Variants in GPAM observed in about 807,000 individuals in gnomAD.
The protein encoded by GPAM is glycerol-3-phosphate acyltransferase 1, mitochondrial.
GPAM carries 56 observed loss-of-function variants against 105.0 expected under a neutral mutation model. The observed-to-expected ratio is 0.53, with a 90% CI of 0.43 to 0.67. GPAM has a LOEUF of 0.67. Ranked by LOEUF, GPAM falls within the 30% of genes least tolerant of loss-of-function variation. GPAM has a pLI of 0.00. For synonymous variants in GPAM, 368 were observed against 354.4 expected, an observed-to-expected ratio of 1.04 and a Z score of -0.43; for missense variants, 855 against 989.8, an observed-to-expected ratio of 0.86 and a Z score of 1.83.
chr10:112,161,863 A>G (rs1847130681), intron 14 of GPAM, 126 bp from the exon 15 acceptor site: 1 of 747,546 alleles, frequency 1.3e-6, no homozygotes, highest in Non-Finnish European at 2.4e-6. Flanking sequence ...CATTTCCCAT[A>G]AGTGTGATTT....
chr10:112,157,193 C>A (rs1414817206), intron 19 of GPAM, 56 bp downstream of exon 19: 2 of 1,473,860 alleles, frequency 1.4e-6, no homozygotes, highest in African/African-American at 1.4e-5. Flanking sequence ...GATCTCACTG[C>A]AGCATAAACC....
upstream of GPAM, among the ~76,000 whole-genome samples, chr10:112,217,284 GTTT>G (rs780398788): frequency 6.6e-6 from 1 of 151,672 alleles, no homozygotes; most frequent in Non-Finnish European, 1.5e-5. Context: ...CTTTGCAGCT[GTTT>G]TTTTTCTCTT....
chr10:112,207,243 C>T (rs1847862601), intron 1 of GPAM, among the ~76,000 whole-genome samples: 1 of 152,222 alleles, frequency 6.6e-6, no homozygotes, highest in African/African-American at 2.4e-5. Flanking sequence ...ACAGTCCCCA[C>T]ACGAAAAGAC....
At chr10:112,198,847 A>G (rs1376144827) in intron 1 of GPAM, among the ~76,000 whole-genome samples, 1 of 152,186 alleles carries the variant, frequency 6.6e-6, no homozygotes, top group Non-Finnish European at 1.5e-5. Flanking sequence ...CAGCCTTGAA[A>G]AAAGAAGAAA....
chr10:112,157,164 C>CTTTAGATAAGAAGTCCTGGAT, intron 19 of GPAM, 85 bp downstream of exon 19: 2 of 1,159,056 alleles, frequency 1.7e-6, no homozygotes, highest in Non-Finnish European at 2.6e-6. Context: ...GATAAGAAGA[C>CTTTAGATAAGAAGTCCTGGAT]ATCACCAGGA....
In GPAM at chr10:112,152,692, G is replaced by A. The variant is rs1272239359; in HGVS notation, c.*858C>T. 1 of 984,862 alleles carries A rather than the reference G, an allele frequency of 1.0e-6. No homozygotes were observed. Among genetic ancestry groups the A allele is most frequent in the African/African-American group, 1.7e-5 (1 of 57,254 alleles). The allele number at this position is 984,862 out of a possible 1,614,324, so 61.0% of individuals were successfully genotyped here. On this transcript the variant is annotated 3_prime_UTR_variant, in exon 22 of 22. Transcript: ENST00000348367. ...TTCCAAGAAACAGCTGTACCTGTGA[G>A]AGGCAGGTATTACCTGAGGGGTGGA...
At chr10:112,195,729 T>C (rs536470468) in intron 1 of GPAM, among the ~76,000 whole-genome samples, 2 of 152,382 alleles carry the variant, frequency 1.3e-5, no homozygotes, top group South Asian at 2.1e-4. Context: ...CTAAAGCAGA[T>C]GCTCAATATC....
chr10:112,163,669 T>G (rs1847163480), intron 14 of GPAM, 32 bp downstream of exon 14: 6 of 992,328 alleles, frequency 6.0e-6, no homozygotes, highest in Non-Finnish European at 8.2e-6. Flanking sequence ...GAATCTAAAT[T>G]GTAGAATTAA....
chr10:112,170,247 T>G (rs114291840), intron 9 of GPAM, among the ~76,000 whole-genome samples: 2,666 of 152,230 alleles, frequency 0.018, 85 homozygotes, highest in African/African-American at 0.061. Context: ...AAGCTTAGTA[T>G]CACTCTTTGA....
At chr10:112,191,696 G>A (rs1018794585) in intron 1 of GPAM, among the ~76,000 whole-genome samples, 10 of 152,298 alleles carry the variant, frequency 6.6e-5, no homozygotes, top group African/African-American at 2.4e-4. Flanking sequence ...ACTGGGGCTG[G>A]TATCCAAGAA....
chr10:112,154,883 C>T, intron 20 of GPAM, 196 bp from the exon 21 acceptor site: 1 of 642,464 alleles, frequency 1.6e-6, no homozygotes, highest in Admixed American at 2.3e-5. Context: ...TTTGCTTACA[C>T]CTACTTTGTC....
intron 10 of GPAM, 97 bp from the exon 11 acceptor site, chr10:112,168,621 G>A (rs543752163): frequency 8.8e-5 from 75 of 853,334 alleles, no homozygotes; most frequent in Middle Eastern, 2.3e-4. Context: ...CAGAAAAAAC[G>A]ATAACTTCAC....
chr10:112,155,167 A>G (rs1029449988), intron 20 of GPAM: 1 of 186,806 alleles, frequency 5.4e-6, no homozygotes, highest in African/African-American at 2.4e-5. Flanking sequence ...GACCTGGGGT[A>G]TTTTCCTCAA....
At chr10:112,177,348 T>G (rs779580084) in intron 5 of GPAM, among the ~76,000 whole-genome samples, 10 of 152,206 alleles carry the variant, frequency 6.6e-5, no homozygotes, top group Non-Finnish European at 1.2e-4. Flanking sequence ...GTATCTATTT[T>G]TAGAATTACA....
chr10:112,227,030 C>A, the GPAM span, among the ~76,000 whole-genome samples: 1 of 152,176 alleles, frequency 6.6e-6, no homozygotes, highest in Non-Finnish European at 1.5e-5. Flanking sequence ...GCAAGCCCTG[C>A]CTCAGCTTCT....
intron 19 of GPAM, chr10:112,156,330 A>C: frequency 2.2e-6 from 1 of 462,894 alleles, no homozygotes; most frequent in Admixed American, 3.4e-5. Context: ...TCATAAATGA[A>C]TGCCCTACTT....
chr10:112,181,691 CACTT>C lies in GPAM; in HGVS notation c.90_93del (p.Ser31ArgfsTer18). ...TCTTATCCTAAACTTACCCATTCCT[CACTT>C]GTGTGCTTACATCGACCAACACTGT... On this transcript the variant is annotated frameshift_variant, in exon 3 of 22. Coordinates refer to ENST00000348367, the MANE Select transcript of GPAM (RefSeq NM_001244949.2). LOFTEE classifies it high-confidence loss of function. The C allele has an allele frequency of 6.3e-7, 1 of 1,575,146 alleles. No individual in the cohort carries two copies. The highest frequency in any genetic ancestry group is 8.7e-7 in the Non-Finnish European group (1 of 1,144,492).
chr10:112,216,893 G>C (rs1847976363), upstream of GPAM, among the ~76,000 whole-genome samples: 1 of 150,726 alleles, frequency 6.6e-6, no homozygotes, highest in Non-Finnish European at 1.5e-5. Flanking sequence ...CAAAGTGCTG[G>C]GATTACAGGT....
chr10:112,186,520 T>A (rs1847598292), upstream of GPAM, among the ~76,000 whole-genome samples: 3 of 152,094 alleles, frequency 2.0e-5, no homozygotes, highest in South Asian at 6.2e-4. Flanking sequence ...TCTTATTTTT[T>A]AAACCCTTTT....
Sources: gnomAD v4.1 joint callset for allele counts (sites outside exome capture counted in the v4.1 genomes callset) on GRCh38, gnomAD v4.1.1 for gene constraint, MANE v1.5 for transcripts, NCBI Gene and HGNC (gene_info 2026-07-23, HGNC 2026-07-21) for gene names.